Variants in ALPL observed in about 807,000 individuals in gnomAD.
ALPL encodes alkaline phosphatase, tissue-nonspecific isozyme.
In ALPL, 42 loss-of-function variants were observed where a neutral mutation model predicts 51.3. That is an observed-to-expected ratio of 0.82 (90% CI 0.64 to 1.06). The LOEUF (loss-of-function observed/expected upper bound fraction) is 1.06, where lower values mean the gene tolerates loss of function less well. Among genes scored for constraint, ALPL ranks in the 50% least tolerant of loss-of-function variants. ALPL has a pLI of 0.00. For synonymous variants in ALPL, 279 were observed against 296.4 expected (o/e 0.94, Z 0.60); for missense variants, 589 against 709.4 (o/e 0.83, Z 1.93).
intron 5 of ALPL, 55 bp from the exon 6 acceptor site, chr1:21,563,986 C>A (rs1644525953): frequency 3.1e-6 from 5 of 1,604,790 alleles, no homozygotes; most frequent in Non-Finnish European, 3.4e-6. Flanking sequence ...GGGAGGAGGC[C>A]TCTGGGACAC....
intron 8 of ALPL, among the ~76,000 whole-genome samples, chr1:21,570,888 G>C (rs1318029172): frequency 6.6e-6 from 1 of 152,234 alleles, no homozygotes; most frequent in Non-Finnish European, 1.5e-5. Context: ...CCACCATGCA[G>C]CTATCCGGGT....
chr1:21,573,842 G>A (rs945211730), intron 9 of ALPL, 43 bp downstream of exon 9: 6 of 1,613,520 alleles, frequency 3.7e-6, no homozygotes, highest in East Asian at 2.2e-5. Flanking sequence ...CTGGAAACAC[G>A]GCCCTGGTGT....
In ALPL at chr1:21,573,434, C is replaced by G. The variant is rs12732102; in HGVS notation, c.863-231C>G. Among the ~76,000 whole-genome samples the G allele has an allele frequency of 0.23, 31,058 of 133,480 alleles. 3,776 individuals are homozygous for G. The highest frequency in any genetic ancestry group is 0.3 in the Non-Finnish European group (19,223 of 64,808). 87.6% of individuals were successfully genotyped at this position (133,480 alleles called of 152,430 possible). ...CCTGGACAACAGAGTGAGACTCTGT[C>G]TCAAAAAAAAAAAAGAAAAGAAAAG... On this transcript the variant is annotated intron_variant, in intron 8 of 11. Transcript: ENST00000374840.
intron 1 of ALPL, among the ~76,000 whole-genome samples, chr1:21,510,455 C>T (rs1643663466): frequency 6.6e-6 from 1 of 152,180 alleles, no homozygotes; most frequent in African/African-American, 2.4e-5. Flanking sequence ...CAGGTGGGCC[C>T]AGCTGCCCAG....
intron 1 of ALPL, among the ~76,000 whole-genome samples, chr1:21,547,475 C>A (rs1209060923): frequency 2.0e-5 from 3 of 152,152 alleles, no homozygotes; most frequent in Non-Finnish European, 4.4e-5. Flanking sequence ...TGGGGCTGAT[C>A]CTGGGCCTCC....
At chr1:21,576,425 C>G (rs1157894813) in intron 10 of ALPL, 97 bp from the exon 11 acceptor site, 12 of 1,537,142 alleles carry the variant, frequency 7.8e-6, no homozygotes, top group Admixed American at 1.8e-5. Flanking sequence ...AAAGAAGATC[C>G]CAGGGGTTAC....
At chr1:21,523,034 C>A (rs1290179664) in intron 1 of ALPL, among the ~76,000 whole-genome samples, 1 of 152,150 alleles carries the variant, frequency 6.6e-6, no homozygotes, top group African/African-American at 2.4e-5. Flanking sequence ...GCCTGTAATC[C>A]CAGCACTTTG....
At chr1:21,574,312 G>A in intron 9 of ALPL, 1 of 583,310 alleles carries the variant, frequency 1.7e-6, no homozygotes, top group South Asian at 7.4e-5. Context: ...CTCCTGGAGA[G>A]TGATTCGCCT....
intron 1 of ALPL, among the ~76,000 whole-genome samples, chr1:21,521,435 T>G (rs1396212492): frequency 1.3e-5 from 2 of 152,218 alleles, no homozygotes; most frequent in Non-Finnish European, 1.5e-5. Context: ...TCCACTTGCC[T>G]TGGCCTCCCA....
chr1:21,519,137 C>T (rs1643854536), intron 1 of ALPL, among the ~76,000 whole-genome samples: 1 of 152,214 alleles, frequency 6.6e-6, no homozygotes, highest in Non-Finnish European at 1.5e-5. Context: ...GCACTTCGCT[C>T]ACAAAGGCTG....
Position 21,534,765 on chromosome 1 carries a change from T to C in ALPL, c.-104-19213T>C, listed in dbSNP as rs547977977. Among the ~76,000 whole-genome samples the C allele has an allele frequency of 2.0e-5, 3 of 152,302 alleles. No homozygotes were observed. In the East Asian group the frequency reaches 5.8e-4, roughly 29 times the overall value. ...CTGGGCAAGAATCCAGTTGCGCTGGTTGTATTGACATGCATGGACTTGAGA... is the reference window on the plus strand; with the variant it reads ...CTGGGCAAGAATCCAGTTGCGCTGGCTGTATTGACATGCATGGACTTGAGA... On this transcript the variant is annotated intron_variant, in intron 1 of 11. Coordinates refer to ENST00000374840, the MANE Select transcript of ALPL (RefSeq NM_000478.6).
intron 1 of ALPL, among the ~76,000 whole-genome samples, chr1:21,537,912 C>T (rs1644131657): frequency 6.6e-6 from 1 of 152,176 alleles, no homozygotes; most frequent in African/African-American, 2.4e-5. Context: ...AGAGTTTCTC[C>T]CTCTTCCTCT....
At chr1:21,526,209 G>C (rs983944662) in intron 1 of ALPL, among the ~76,000 whole-genome samples, 1 of 151,878 alleles carries the variant, frequency 6.6e-6, no homozygotes, top group Non-Finnish European at 1.5e-5. Flanking sequence ...GCGCCATCTC[G>C]GCTCACTGCA....
chr1:21,551,719 G>GTTTT (rs397861981), intron 1 of ALPL, among the ~76,000 whole-genome samples: 731 of 61,420 alleles, frequency 0.012, 113 homozygotes, highest in Non-Finnish European at 0.017. Flanking sequence ...AGCTTGCGTG[G>GTTTT]TTTTTTTTTT....
At chr1:21,528,663 T>C (rs895735100) in intron 1 of ALPL, among the ~76,000 whole-genome samples, 3 of 152,100 alleles carry the variant, frequency 2.0e-5, no homozygotes, top group Admixed American at 6.5e-5. Context: ...CTATTCAGTT[T>C]CTTAATGGTA....
At chr1:21,541,971 A>G (rs1644192772) in intron 1 of ALPL, among the ~76,000 whole-genome samples, 1 of 152,156 alleles carries the variant, frequency 6.6e-6, no homozygotes, top group Non-Finnish European at 1.5e-5. Context: ...ACTGCCCTCT[A>G]GGGAAGTCCT....
intron 1 of ALPL, among the ~76,000 whole-genome samples, chr1:21,526,594 G>A (rs976613394): frequency 2.0e-5 from 3 of 151,964 alleles, no homozygotes; most frequent in African/African-American, 7.3e-5. Context: ...TAAGTGTAGG[G>A]GTAATGATTT....
intron 1 of ALPL, among the ~76,000 whole-genome samples, chr1:21,529,065 A>G (rs1321603319): frequency 1.4e-5 from 2 of 138,330 alleles, no homozygotes; most frequent in African/African-American, 5.2e-5. Flanking sequence ...GCGAGACTCC[A>G]TCTCAAAAAA....
chr1:21,524,097 A>G (rs6695051), intron 1 of ALPL, among the ~76,000 whole-genome samples: 73,805 of 144,866 alleles, frequency 0.51, 18,987 homozygotes, highest in East Asian at 0.84. Context: ...TCCACCTCCC[A>G]GGTTCAAGCA....
Sources: gnomAD v4.1 joint callset for allele counts (sites outside exome capture counted in the v4.1 genomes callset) on GRCh38, gnomAD v4.1.1 for gene constraint, MANE v1.5 for transcripts, NCBI Gene and HGNC (gene_info 2026-07-23, HGNC 2026-07-21) for gene names.